TRPM3: variants seen among roughly 807,000 people sequenced by gnomAD.
The protein encoded by TRPM3 is transient receptor potential cation channel subfamily M member 3.
Under a neutral mutation model 181.2 loss-of-function variants are expected in TRPM3, and 77 were observed. The observed-to-expected ratio is 0.42, with a 90% CI of 0.35 to 0.51. The LOEUF (loss-of-function observed/expected upper bound fraction) is 0.51, where lower values mean the gene tolerates loss of function less well. Among genes scored for constraint, TRPM3 ranks in the 20% least tolerant of loss-of-function variants. The probability of loss-of-function intolerance (pLI) is 0.01; values close to 1 mark genes in which losing one functional copy is unlikely to be tolerated. For missense variants in TRPM3, 1,759 were observed against 2,196.7 expected (o/e 0.80, Z 3.98); for synonymous variants, 745 against 796.4 (o/e 0.94, Z 1.09).
chr9:70,939,352 A>G (rs2096862514), intron 1 of TRPM3, among the ~76,000 whole-genome samples: 1 of 152,204 alleles, frequency 6.6e-6, no homozygotes, highest in African/African-American at 2.4e-5. Flanking sequence ...AACTTCTCTC[A>G]GGTGTCAATA....
At chr9:70,853,017 G>C (rs1352496845) in intron 3 of TRPM3, among the ~76,000 whole-genome samples, 1 of 152,144 alleles carries the variant, frequency 6.6e-6, no homozygotes, top group Non-Finnish European at 1.5e-5. Context: ...TGTTGCAAGA[G>C]CTTTGAGGGG....
intron 1 of TRPM3, among the ~76,000 whole-genome samples, chr9:71,350,401 A>G (rs905364469): frequency 3.3e-5 from 5 of 152,192 alleles, no homozygotes; most frequent in East Asian, 1.9e-4. Flanking sequence ...CAATGTTCCA[A>G]TGACAATGCA....
intron 1 of TRPM3, among the ~76,000 whole-genome samples, chr9:71,113,614 C>T (rs947234540): frequency 9.2e-5 from 14 of 152,294 alleles, no homozygotes; most frequent in African/African-American, 3.1e-4. Flanking sequence ...CTATCGACTA[C>T]ACATTTTTGG....
At chr9:71,395,872 G>T (rs2093178517) in intron 1 of TRPM3, among the ~76,000 whole-genome samples, 1 of 152,150 alleles carries the variant, frequency 6.6e-6, no homozygotes, top group Non-Finnish European at 1.5e-5. Flanking sequence ...TGTAAAACTT[G>T]ACAATCTGAA....
chr9:71,012,101 C>A (rs181874557), intron 1 of TRPM3, among the ~76,000 whole-genome samples: 2 of 152,070 alleles, frequency 1.3e-5, no homozygotes, highest in East Asian at 1.9e-4. Flanking sequence ...CTTTTAGTAC[C>A]TGTATGTTCC....
chr9:71,333,455 C>T (rs1318617505), intron 1 of TRPM3, among the ~76,000 whole-genome samples: 1 of 151,952 alleles, frequency 6.6e-6, no homozygotes, highest in South Asian at 2.1e-4. Context: ...TCACAAAAGA[C>T]GGCCATTTCT....
chr9:70,554,344 T>C (rs987637873), intron 22 of TRPM3, among the ~76,000 whole-genome samples: 58 of 152,108 alleles, frequency 3.8e-4, no homozygotes, highest in African/African-American at 1.3e-3. Context: ...AAAAGGTGGT[T>C]GGGGGGAGTG....
intron 1 of TRPM3, among the ~76,000 whole-genome samples, chr9:70,974,508 C>A (rs1481078056): frequency 1.3e-5 from 2 of 151,768 alleles, no homozygotes; most frequent in Admixed American, 6.6e-5. Flanking sequence ...CACTGCACTC[C>A]AGCCTGGGCG....
intron 1 of TRPM3, among the ~76,000 whole-genome samples, chr9:71,238,807 C>T (rs560394024): frequency 6.6e-6 from 1 of 152,242 alleles, no homozygotes; most frequent in Admixed American, 6.5e-5. Flanking sequence ...ATCTACCCTT[C>T]ACCTGTGGAA....
At chr9:70,811,291 T>A (rs771238527) in intron 6 of TRPM3, 1 of 1,487,852 alleles carries the variant, frequency 6.7e-7, no homozygotes, top group Non-Finnish European at 9.2e-7. Flanking sequence ...TGTGGTTGCA[T>A]ACACATTTTA....
chr9:70,988,087 T>G (rs2097438979), intron 1 of TRPM3, among the ~76,000 whole-genome samples: 1 of 152,190 alleles, frequency 6.6e-6, no homozygotes, highest in Non-Finnish European at 1.5e-5. Context: ...TAAGCAAGCT[T>G]ATGTAAGTCA....
intron 9 of TRPM3, among the ~76,000 whole-genome samples, chr9:70,642,412 T>C (rs1470865966): frequency 2.0e-5 from 3 of 152,216 alleles, no homozygotes; most frequent in Non-Finnish European, 2.9e-5. Flanking sequence ...CAAATGTGTA[T>C]GCTGTTCATT....
chr9:70,985,595 A>G (rs972550898), intron 1 of TRPM3, among the ~76,000 whole-genome samples: 3 of 152,196 alleles, frequency 2.0e-5, no homozygotes, highest in Non-Finnish European at 4.4e-5. Flanking sequence ...TTTTTAAATA[A>G]AAGTTGTCTT....
chr9:71,372,630 T>G (rs530176350), intron 1 of TRPM3, among the ~76,000 whole-genome samples: 1 of 152,328 alleles, frequency 6.6e-6, no homozygotes, highest in South Asian at 2.1e-4. Context: ...TACCATATGC[T>G]TGTGGGCCAC....
intron 1 of TRPM3, among the ~76,000 whole-genome samples, chr9:71,243,841 G>A (rs2081872651): frequency 1.3e-5 from 2 of 152,126 alleles, no homozygotes; most frequent in Admixed American, 1.3e-4. Context: ...AAGCCAATGG[G>A]CTGTTATATA....
intron 1 of TRPM3, among the ~76,000 whole-genome samples, chr9:71,037,747 A>T (rs1000257140): frequency 1.2e-4 from 19 of 152,374 alleles, no homozygotes; most frequent in Non-Finnish European, 4.4e-5. Flanking sequence ...CAGCAGATGT[A>T]ATCAGTAATA....
intron 1 of TRPM3, among the ~76,000 whole-genome samples, chr9:71,141,441 C>T (rs1276335886): frequency 2.0e-5 from 3 of 152,146 alleles, no homozygotes; most frequent in South Asian, 2.1e-4. Flanking sequence ...GGATGTAACT[C>T]GCCCTATAAT....
chr9:71,334,906 T>G (rs1429905886), intron 1 of TRPM3, among the ~76,000 whole-genome samples: 1 of 152,154 alleles, frequency 6.6e-6, no homozygotes, highest in Non-Finnish European at 1.5e-5. Context: ...TTTACCTCAT[T>G]GTTGGTTTAT....
chr9:70,757,523 CACA>C (rs1182475403), intron 8 of TRPM3, among the ~76,000 whole-genome samples: 18 of 152,216 alleles, frequency 1.2e-4, no homozygotes, highest in Non-Finnish European at 2.1e-4. Context: ...CTGGCAGAGA[CACA>C]ACAACAAAAA....
Sources: gnomAD v4.1 joint callset for allele counts (sites outside exome capture counted in the v4.1 genomes callset) on GRCh38, gnomAD v4.1.1 for gene constraint, MANE v1.5 for transcripts, NCBI Gene and HGNC (gene_info 2026-07-23, HGNC 2026-07-21) for gene names.